DLC1: variants seen among roughly 807,000 people sequenced by gnomAD.
DLC1 encodes DLC1 Rho GTPase activating protein, also known as rho GTPase-activating protein 7.
DLC1 carries 54 observed loss-of-function variants against 140.3 expected under a neutral mutation model. The observed-to-expected ratio is 0.38, with a 90% CI of 0.31 to 0.48. The LOEUF (loss-of-function observed/expected upper bound fraction) is 0.48. DLC1 is among the 20% of genes least tolerant of loss of function. The probability of loss-of-function intolerance (pLI) is 0.96; values close to 1 mark genes in which losing one functional copy is unlikely to be tolerated. For missense variants in DLC1, 2,536 were observed against 1,907.0 expected (o/e 1.33, Z -6.14); for synonymous variants, 986 against 728.1 (o/e 1.35, Z -5.70).
At chr8:13,578,458 T>C (rs1400204232) in intron 1 of DLC1, among the ~76,000 whole-genome samples, 3 of 152,174 alleles carry the variant, frequency 2.0e-5, no homozygotes, top group African/African-American at 7.2e-5. Flanking sequence ...ATTCATTCAG[T>C]TCTGACATAT....
intron 5 of DLC1, among the ~76,000 whole-genome samples, chr8:13,122,999 A>C (rs755602302): frequency 1.3e-5 from 2 of 152,144 alleles, no homozygotes; most frequent in Non-Finnish European, 2.9e-5. Flanking sequence ...TACTGCCAGC[A>C]GCTCTCAGGG....
At chr8:13,257,982 A>T (rs1830318336) in intron 5 of DLC1, among the ~76,000 whole-genome samples, 1 of 152,258 alleles carries the variant, frequency 6.6e-6, no homozygotes, top group South Asian at 2.1e-4. Flanking sequence ...GAAATAAAAT[A>T]CATGTAAGTA....
At chr8:13,511,635 G>T (rs184484694) in intron 1 of DLC1, among the ~76,000 whole-genome samples, 1 of 152,126 alleles carries the variant, frequency 6.6e-6, no homozygotes, top group East Asian at 1.9e-4. Flanking sequence ...TATCTTTCGT[G>T]TGGGGAAAGC....
chr8:13,407,977 A>G (rs1837637635), intron 2 of DLC1, among the ~76,000 whole-genome samples: 1 of 150,144 alleles, frequency 6.7e-6, no homozygotes, highest in Non-Finnish European at 1.5e-5. Flanking sequence ...TAAAAACCAG[A>G]ATGTTATTAA....
intron 5 of DLC1, among the ~76,000 whole-genome samples, chr8:13,252,896 T>C (rs1308529189): frequency 1.3e-5 from 2 of 152,226 alleles, no homozygotes; most frequent in Non-Finnish European, 2.9e-5. Flanking sequence ...AACTTATTTA[T>C]AGAAAACATT....
At chr8:13,219,583 G>C (rs142729323) in intron 5 of DLC1, among the ~76,000 whole-genome samples, 1 of 150,940 alleles carries the variant, frequency 6.6e-6, no homozygotes, top group East Asian at 1.9e-4. Flanking sequence ...AATTTCCTTC[G>C]TGCTCAGAAG....
rs145471702 is a variant in DLC1 at position 13,233,497 on chromosome 8, C to T, written c.1348+71772G>A. Reference sequence around the variant, plus strand: ...TTCCCCAACAGTTAAATTTTTTCCTCCAAAAATAAGATATTTTAAGGGCCG... The same window carrying T: ...TTCCCCAACAGTTAAATTTTTTCCTTCAAAAATAAGATATTTTAAGGGCCG... On this transcript the variant is annotated intron_variant, in intron 5 of 17. Coordinates refer to ENST00000276297, the MANE Select transcript of DLC1 (RefSeq NM_182643.3). Among the ~76,000 whole-genome samples the T allele has an allele frequency of 3.9e-5, 6 of 151,960 alleles. No individual in the cohort carries two copies. In the East Asian group the frequency reaches 1.2e-3, roughly 29 times the overall value.
chr8:13,535,155 A>G (rs1465828801), intron 1 of DLC1, among the ~76,000 whole-genome samples: 1 of 152,356 alleles, frequency 6.6e-6, no homozygotes, highest in African/African-American at 2.4e-5. Flanking sequence ...GACATTAAGA[A>G]AAAACATATA....
At chr8:13,240,500 A>G (rs1267008490) in intron 5 of DLC1, among the ~76,000 whole-genome samples, 1 of 152,090 alleles carries the variant, frequency 6.6e-6, no homozygotes, top group Non-Finnish European at 1.5e-5. Context: ...AGCTCAGCTC[A>G]CTGCAGCCTC....
At chr8:13,143,813 T>TGA (rs35079610) in intron 5 of DLC1, among the ~76,000 whole-genome samples, 2,888 of 128,648 alleles carry the variant, frequency 0.022, 98 homozygotes, top group East Asian at 0.16. Flanking sequence ...AATGAAAAGC[T>TGA]GAGAGAGAGA....
chr8:13,096,185 A>G (rs1363422488), intron 10 of DLC1: 1 of 152,230 alleles, frequency 6.6e-6, no homozygotes, highest in Admixed American at 6.5e-5. Context: ...CCACCATGTG[A>G]GGCTTTTACA....
chr8:13,251,616 T>C (rs1456538526), intron 5 of DLC1, among the ~76,000 whole-genome samples: 1 of 152,156 alleles, frequency 6.6e-6, no homozygotes, highest in East Asian at 1.9e-4. Context: ...AAAATATTCA[T>C]TGAGTACCTG....
At chr8:13,197,688 A>G (rs1326787877) in intron 5 of DLC1, among the ~76,000 whole-genome samples, 4 of 152,090 alleles carry the variant, frequency 2.6e-5, no homozygotes, top group Non-Finnish European at 5.9e-5. Flanking sequence ...TGCTTAACAA[A>G]TACATTTTTG....
At chr8:13,403,950 T>A (rs1837415610) in intron 2 of DLC1, among the ~76,000 whole-genome samples, 1 of 151,678 alleles carries the variant, frequency 6.6e-6, no homozygotes, top group African/African-American at 2.4e-5. Flanking sequence ...TCTTAATGCA[T>A]ATTGTGAATC....
chr8:13,533,484 T>C (rs777343170), intron 1 of DLC1, among the ~76,000 whole-genome samples: 1 of 152,208 alleles, frequency 6.6e-6, no homozygotes, highest in Non-Finnish European at 1.5e-5. Context: ...ACAACTCATA[T>C]GTAGCATGTT....
chr8:13,126,375 AC>A (rs1821568490), intron 5 of DLC1, among the ~76,000 whole-genome samples: 1 of 151,514 alleles, frequency 6.6e-6, no homozygotes, highest in East Asian at 1.9e-4. Context: ...CCATACACAC[AC>A]ACACACACAC....
chr8:13,096,091 A>C (rs1222087169), intron 10 of DLC1: 1 of 152,274 alleles, frequency 6.6e-6, no homozygotes, highest in East Asian at 1.9e-4. Context: ...CAGCTCTCCA[A>C]ATGACCTCTC....
At chr8:13,196,966 C>G (rs918977114) in intron 5 of DLC1, among the ~76,000 whole-genome samples, 2 of 152,118 alleles carry the variant, frequency 1.3e-5, no homozygotes, top group Non-Finnish European at 2.9e-5. Context: ...TTCTTGATGT[C>G]TTCTTGAAAG....
At chr8:13,486,986 C>T (rs1284540579) in intron 2 of DLC1, among the ~76,000 whole-genome samples, 1 of 152,186 alleles carries the variant, frequency 6.6e-6, no homozygotes, top group African/African-American at 2.4e-5. Context: ...AAAGTCCCAT[C>T]TCCCTGTGCT....
Sources: allele counts gnomAD v4.1 joint callset (sites outside exome capture counted in the v4.1 genomes callset), GRCh38; gene constraint gnomAD v4.1.1; transcripts MANE v1.5; gene names NCBI Gene and HGNC (gene_info 2026-07-23, HGNC 2026-07-21).